The following PRR16 variants were observed in gnomAD, a reference collection of about 807,000 sequenced individuals.
PRR16 encodes the protein protein Largen.
Under a neutral mutation model 18.2 loss-of-function variants are expected in PRR16, and 6 were observed. The ratio of observed to expected loss-of-function variants is 0.33; its 90% CI spans 0.18 to 0.65. The LOEUF (loss-of-function observed/expected upper bound fraction) is 0.65. Among genes scored for constraint, PRR16 ranks in the 30% least tolerant of loss-of-function variants. The pLI is 0.74. For missense variants in PRR16, 412 were observed against 376.6 expected, an observed-to-expected ratio of 1.09 and a Z score of -0.78; for synonymous variants, 151 against 147.8, an observed-to-expected ratio of 1.02 and a Z score of -0.16.
chr5:120,552,619 G>A (rs748457702), intron 1 of PRR16, among the ~76,000 whole-genome samples: 22 of 151,796 alleles, frequency 1.4e-4, no homozygotes, highest in Non-Finnish European at 2.7e-4. Context: ...GAACATTCTT[G>A]TCAATCAAAA....
chr5:120,538,775 G>A, intron 1 of PRR16, among the ~76,000 whole-genome samples: 1 of 152,132 alleles, frequency 6.6e-6, no homozygotes, highest in East Asian at 1.9e-4. Flanking sequence ...TGTTCTTTAA[G>A]GTATCAGTCA....
chr5:120,516,187 G>T (rs1180080391), intron 1 of PRR16, among the ~76,000 whole-genome samples: 2 of 152,132 alleles, frequency 1.3e-5, no homozygotes, highest in African/African-American at 4.8e-5. Flanking sequence ...ACTTTGGGAG[G>T]TGGAGGTGGG....
chr5:120,588,947 A>C (rs1489439953), intron 1 of PRR16, among the ~76,000 whole-genome samples: 1 of 152,026 alleles, frequency 6.6e-6, no homozygotes, highest in African/African-American at 2.4e-5. Flanking sequence ...ACTAAAGCCC[A>C]GTTCTACCAT....
At chr5:120,489,230 C>T (rs1281524685) in intron 1 of PRR16, among the ~76,000 whole-genome samples, 2 of 152,164 alleles carry the variant, frequency 1.3e-5, no homozygotes, top group African/African-American at 4.8e-5. Flanking sequence ...TCTTGTTGAT[C>T]TGTCTAATGT....
At chr5:120,504,732 A>T (rs1480185355) in intron 1 of PRR16, among the ~76,000 whole-genome samples, 1 of 152,152 alleles carries the variant, frequency 6.6e-6, no homozygotes, top group African/African-American at 2.4e-5. Flanking sequence ...AGTTACAGGG[A>T]TCCCCTTTGA....
At chr5:120,476,966 C>G (rs1385412606) in intron 1 of PRR16, among the ~76,000 whole-genome samples, 1 of 152,070 alleles carries the variant, frequency 6.6e-6, no homozygotes, top group Non-Finnish European at 1.5e-5. Context: ...TTATTTAATC[C>G]AATAGTCAAC....
chr5:120,604,301 T>A (rs757365596), intron 1 of PRR16, among the ~76,000 whole-genome samples: 15 of 152,136 alleles, frequency 9.9e-5, no homozygotes, highest in Non-Finnish European at 1.9e-4. Flanking sequence ...TTTATTATTA[T>A]GTAATATCCT....
chr5:120,682,999 A>G (rs1041965836), intron 1 of PRR16, among the ~76,000 whole-genome samples: 2 of 152,168 alleles, frequency 1.3e-5, no homozygotes, highest in Non-Finnish European at 2.9e-5. Context: ...TGACTAAGAG[A>G]AGAAGGAAGA....
intron 1 of PRR16, among the ~76,000 whole-genome samples, chr5:120,552,966 T>G (rs1263487686): frequency 1.3e-5 from 2 of 151,864 alleles, no homozygotes; most frequent in African/African-American, 4.8e-5. Context: ...CACTAAATAT[T>G]TTCAACCCTC....
At chr5:120,537,426 A>C (rs1483425164) in intron 1 of PRR16, among the ~76,000 whole-genome samples, 1 of 152,198 alleles carries the variant, frequency 6.6e-6, no homozygotes, top group Admixed American at 6.5e-5. Flanking sequence ...TTCCTCAATT[A>C]CTACAGTACA....
chr5:120,762,122 A>G, the PRR16 span, among the ~76,000 whole-genome samples: 1 of 152,148 alleles, frequency 6.6e-6, no homozygotes, highest in African/African-American at 2.4e-5. Context: ...GTTGATGGAC[A>G]GTTAGGCTGA....
chr5:120,672,238 CTGTGTGTGTGTG>C (rs3048020), intron 1 of PRR16, among the ~76,000 whole-genome samples: 5 of 135,114 alleles, frequency 3.7e-5, no homozygotes, highest in African/African-American at 8.3e-5. Flanking sequence ...GGTGAGGGGT[CTGTGTGTGTGTG>C]TGTGTGTGTG....
chr5:120,487,273 C>T (rs1005452599), intron 1 of PRR16, among the ~76,000 whole-genome samples: 2 of 152,108 alleles, frequency 1.3e-5, no homozygotes, highest in African/African-American at 2.4e-5. Context: ...TTCTTCCTAC[C>T]CATGAGCATG....
chr5:120,792,712 A>G, the PRR16 span, among the ~76,000 whole-genome samples: 1 of 152,228 alleles, frequency 6.6e-6, no homozygotes, highest in Non-Finnish European at 1.5e-5. Context: ...ACTATGGGAC[A>G]TGAATTATGC....
upstream of PRR16, chr5:120,464,278 G>T (rs1749002163): frequency 8.3e-6 from 3 of 359,908 alleles, no homozygotes; most frequent in Admixed American, 1.0e-4. Flanking sequence ...CTGCAGCCCC[G>T]AGCCGAGCGC....
At chr5:120,527,028 C>A (rs867603567) in intron 1 of PRR16, among the ~76,000 whole-genome samples, 14 of 152,222 alleles carry the variant, frequency 9.2e-5, no homozygotes, top group Middle Eastern at 3.4e-3. Flanking sequence ...TTCTCCTCCC[C>A]CCAGGTCCTG....
the PRR16 span, among the ~76,000 whole-genome samples, chr5:120,746,380 C>T: frequency 6.6e-6 from 1 of 151,710 alleles, no homozygotes; most frequent in South Asian, 2.1e-4. Context: ...TGAAATGTAC[C>T]CTTAAGTCTT....
At chr5:120,652,733 A>G (rs1353136924) in intron 1 of PRR16, among the ~76,000 whole-genome samples, 1 of 152,014 alleles carries the variant, frequency 6.6e-6, no homozygotes, top group Non-Finnish European at 1.5e-5. Context: ...AGTATCTTCA[A>G]TGGGATCGTG....
chr5:120,702,393 C>T, the PRR16 span, among the ~76,000 whole-genome samples: 77 of 151,428 alleles, frequency 5.1e-4, 1 homozygote, highest in African/African-American at 1.6e-3. Context: ...TGGGACTTGC[C>T]GCTAAGAGTG....
Sources: allele counts gnomAD v4.1 joint callset (sites outside exome capture counted in the v4.1 genomes callset), GRCh38; gene constraint gnomAD v4.1.1; transcripts MANE v1.5; gene names NCBI Gene and HGNC (gene_info 2026-07-23, HGNC 2026-07-21).